The following AGPAT5 variants were observed in gnomAD, a reference collection of about 807,000 sequenced individuals.
AGPAT5 encodes the protein 1-acylglycerol-3-phosphate O-acyltransferase 5, also known as 1-acyl-sn-glycerol-3-phosphate acyltransferase epsilon.
Under a neutral mutation model 45.6 loss-of-function variants are expected in AGPAT5, and 46 were observed. That is an observed-to-expected ratio of 1.01 (90% CI 0.80 to 1.29). AGPAT5 has a LOEUF of 1.29. Among genes scored for constraint, AGPAT5 ranks in the 50% most tolerant of loss-of-function variants. The probability of loss-of-function intolerance (pLI) is 0.00; values close to 1 mark genes in which losing one functional copy is unlikely to be tolerated. For missense variants in AGPAT5, 673 were observed against 450.7 expected (o/e 1.49, Z -4.47); for synonymous variants, 272 against 167.0 (o/e 1.63, Z -4.85).
At chr8:6,717,362 G>A (rs1295909119) in intron 1 of AGPAT5, among the ~76,000 whole-genome samples, 1 of 152,186 alleles carries the variant, frequency 6.6e-6, no homozygotes, top group African/African-American at 2.4e-5. Context: ...GAGAATTCCA[G>A]GGGCGGAAAG....
intron 1 of AGPAT5, among the ~76,000 whole-genome samples, chr8:6,713,282 T>G (rs965690694): frequency 6.6e-6 from 1 of 152,166 alleles, no homozygotes; most frequent in Non-Finnish European, 1.5e-5. Context: ...TAATAAATAT[T>G]CTAATTACCG....
At chr8:6,729,142 TAATG>T (rs2116891969) in intron 2 of AGPAT5, among the ~76,000 whole-genome samples, 1 of 152,312 alleles carries the variant, frequency 6.6e-6, no homozygotes, top group Non-Finnish European at 1.5e-5. Flanking sequence ...AGATGTATAA[TAATG>T]GATAAGAGAT....
rs777991953 is a variant in AGPAT5, at chr8:6,761,082, A to G, written c.*3694A>G. ...GGTCAAAGACATATACCTTGTTATTATAATATGTATACTATAATAATAGCT... is the reference window on the plus strand; with the variant it reads ...GGTCAAAGACATATACCTTGTTATTGTAATATGTATACTATAATAATAGCT... On this transcript the variant is annotated 3_prime_UTR_variant, in exon 8 of 8. Coordinates refer to ENST00000285518, the MANE Select transcript of AGPAT5 (RefSeq NM_018361.5). Among the ~76,000 whole-genome samples, 2 of 152,234 alleles carry G rather than the reference A, an allele frequency of 1.3e-5. No homozygotes were observed. Among genetic ancestry groups the G allele is most frequent in the South Asian group, 2.1e-4 (1 of 4,830 alleles).
intron 6 of AGPAT5, among the ~76,000 whole-genome samples, chr8:6,750,847 A>T (rs1270030214): frequency 6.6e-6 from 1 of 152,214 alleles, no homozygotes; most frequent in African/African-American, 2.4e-5. Flanking sequence ...ATGTAGTACA[A>T]ACCTTTGTAG....
intron 1 of AGPAT5, among the ~76,000 whole-genome samples, chr8:6,720,568 T>C (rs1460516955): frequency 6.6e-6 from 1 of 152,138 alleles, no homozygotes; most frequent in Non-Finnish European, 1.5e-5. Context: ...AAGTTCATCC[T>C]ATGGATGCTA....
At chr8:6,710,311 C>T (rs1399210456) in intron 1 of AGPAT5, among the ~76,000 whole-genome samples, 1 of 152,174 alleles carries the variant, frequency 6.6e-6, no homozygotes, top group Non-Finnish European at 1.5e-5. Flanking sequence ...ATCCGATTTA[C>T]TTCTTGATTT....
intron 1 of AGPAT5, among the ~76,000 whole-genome samples, chr8:6,711,530 G>C (rs1215792305): frequency 1.3e-5 from 2 of 152,122 alleles, no homozygotes; most frequent in Non-Finnish European, 2.9e-5. Context: ...CACGTAATTT[G>C]AGACTATTGA....
intron 5 of AGPAT5, among the ~76,000 whole-genome samples, chr8:6,742,689 G>T (rs1801279451): frequency 6.6e-6 from 1 of 152,116 alleles, no homozygotes; most frequent in South Asian, 2.1e-4. Context: ...TTTAATTTTA[G>T]TTTAATTAAA....
intron 6 of AGPAT5, among the ~76,000 whole-genome samples, chr8:6,748,447 A>C (rs1169527298): frequency 6.6e-6 from 1 of 152,144 alleles, no homozygotes; most frequent in African/African-American, 2.4e-5. Flanking sequence ...TTCCTTTTCA[A>C]AATATCTGTT....
At position 6,728,760 on chromosome 8, in the gene AGPAT5, T is replaced by C. The variant is rs536280786; in HGVS notation, c.290-1951T>C. Among the ~76,000 whole-genome samples the C allele has an allele frequency of 2.1e-3, 315 of 152,362 alleles. 1 individual carries two copies. Among genetic ancestry groups the C allele is most frequent in the African/African-American group, 7.3e-3 (303 of 41,576 alleles). On this transcript the variant is annotated intron_variant, in intron 2 of 7. Transcript: ENST00000285518. ...CAGAATTAGTTCTCAGAATTTATTG[T>C]CTGCTTACTTTTGCATTTGGTACAG...
In AGPAT5 at chr8:6,761,264, G is replaced by C. The variant is rs1205685242; in HGVS notation, c.*3876G>C. 6.6e-6 allele frequency among the ~76,000 whole-genome samples: 1 copy of C among 152,076 alleles called. No individual in the cohort carries two copies. Among genetic ancestry groups the C allele is most frequent in the Non-Finnish European group, 1.5e-5 (1 of 68,020 alleles). On this transcript the variant is annotated 3_prime_UTR_variant, in exon 8 of 8. Transcript: ENST00000285518. ...TGAAACAGATCAGTTTTTCCATCCG[G>C]ATTATTATTGGTTCATGATTTTATA...
intron 1 of AGPAT5, among the ~76,000 whole-genome samples, chr8:6,719,250 T>G (rs1800425680): frequency 6.6e-6 from 1 of 152,222 alleles, no homozygotes; most frequent in Admixed American, 6.5e-5. Flanking sequence ...TATTTTACAT[T>G]AGGTTCAAAA....
chr8:6,708,931 C>G (rs925939769), intron 1 of AGPAT5, 44 bp downstream of exon 1: 8 of 1,558,882 alleles, frequency 5.1e-6, no homozygotes, highest in Non-Finnish European at 6.9e-6. Flanking sequence ...CACCCGAGCT[C>G]CCGGGGGCGC....
chr8:6,761,097 T>C lies in AGPAT5; in HGVS notation c.*3709T>C, dbSNP rs1802027484. 6.6e-6 allele frequency among the ~76,000 whole-genome samples: 1 copy of C among 152,214 alleles called. No homozygotes were observed. On this transcript the variant is annotated 3_prime_UTR_variant, in exon 8 of 8. Coordinates refer to ENST00000285518, the MANE Select transcript of AGPAT5 (RefSeq NM_018361.5). ...CCTTGTTATTATAATATGTATACTA[T>C]AATAATAGCTGGTTATCCTGAGCAG... is the stretch of plus-strand genomic sequence containing the variant.
At position 6,708,792 on chromosome 8, in the gene AGPAT5, C is replaced by A; in HGVS notation, c.124C>A (p.Leu42Met). Residue 42 changes from leucine (L) to methionine (M), a missense_variant, in exon 1 of 8, where the codon CTG (leucine) becomes ATG (methionine). Transcript: ENST00000285518. ...WGVWRLLSAFLPARFYQALDD... is the reference protein window; with the variant it reads ...WGVWRLLSAFMPARFYQALDD... ...GGTCTGGCGGCTGCTCTCCGCCTTC[C>A]TGCCCGCCCGCTTCTACCAAGCGCT... 4.3e-6 allele frequency: 7 copies of A among 1,610,364 alleles called. No individual in the cohort carries two copies. The highest frequency in any genetic ancestry group is 5.9e-6 in the Non-Finnish European group (7 of 1,179,712).
chr8:6,715,622 T>G (rs1337974756), intron 1 of AGPAT5, among the ~76,000 whole-genome samples: 3 of 152,182 alleles, frequency 2.0e-5, no homozygotes, highest in Admixed American at 6.5e-5. Flanking sequence ...TTCAGGCACT[T>G]ATTTTCTGAA....
intron 1 of AGPAT5, among the ~76,000 whole-genome samples, chr8:6,721,175 A>T (rs2116870419): frequency 6.6e-6 from 1 of 152,368 alleles, no homozygotes; most frequent in Non-Finnish European, 1.5e-5. Context: ...AACGGGGTAG[A>T]AAAAGACTAG....
At chr8:6,715,265 A>G (rs7832082) in intron 1 of AGPAT5, among the ~76,000 whole-genome samples, 5,499 of 152,272 alleles carry the variant, frequency 0.036, 340 homozygotes, top group African/African-American at 0.12. Context: ...TTACTGAGCA[A>G]GTGACATTTG....
At position 6,753,969 on chromosome 8, in the gene AGPAT5, A is replaced by C. The variant is rs148980247; in HGVS notation, c.746-1082A>C. On this transcript the variant is annotated intron_variant, in intron 6 of 7. Transcript: ENST00000285518. ...TGTGTGGGGTTGAAGGAGCAAAGAC[A>C]AGTCTTCCTCGGACGGTGGAGTGTA... Among the ~76,000 whole-genome samples the C allele has an allele frequency of 5.3e-5, 8 of 152,302 alleles. No homozygotes were observed. The East Asian group carries it at 1.2e-3, about 22-fold the overall frequency.
Sources: allele counts gnomAD v4.1 joint callset (sites outside exome capture counted in the v4.1 genomes callset), GRCh38; gene constraint gnomAD v4.1.1; transcripts MANE v1.5; gene names NCBI Gene and HGNC (gene_info 2026-07-23, HGNC 2026-07-21).